Variants in UPF1 observed in about 807,000 individuals in gnomAD.
UPF1 encodes regulator of nonsense transcripts 1.
Under a neutral mutation model 129.2 loss-of-function variants are expected in UPF1, and 9 were observed. The observed-to-expected ratio is 0.07, with a 90% CI of 0.04 to 0.12. The LOEUF (loss-of-function observed/expected upper bound fraction) is 0.12, where lower values mean the gene tolerates loss of function less well. Among genes scored for constraint, UPF1 ranks in the 10% least tolerant of loss-of-function variants. The probability of loss-of-function intolerance (pLI) is 1.00; values close to 1 mark genes in which losing one functional copy is unlikely to be tolerated. For synonymous variants in UPF1, 649 were observed against 644.9 expected (o/e 1.01, Z -0.10); for missense variants, 788 against 1,525.3 (o/e 0.52, Z 8.05).
intron 2 of UPF1, among the ~76,000 whole-genome samples, chr19:18,846,543 C>T (rs1001899008): frequency 1.3e-5 from 2 of 152,012 alleles, no homozygotes; most frequent in Non-Finnish European, 1.5e-5. Flanking sequence ...CTGCCTTGGC[C>T]GTGCCTGGAG....
intron 2 of UPF1, among the ~76,000 whole-genome samples, chr19:18,846,408 C>T (rs2055599761): frequency 6.6e-6 from 1 of 152,082 alleles, no homozygotes; most frequent in African/African-American, 2.4e-5. Flanking sequence ...GGTACCTGCG[C>T]ACTCACTCAT....
intron 3 of UPF1, 151 bp downstream of exon 3, chr19:18,847,984 A>G: frequency 1.4e-6 from 1 of 710,644 alleles, no homozygotes; most frequent in East Asian, 2.8e-5. Flanking sequence ...CTTGAAACAG[A>G]TGGTGGTGTG....
At position 18,862,024 on chromosome 19, in the gene UPF1, CA is replaced by C; in HGVS notation, c.2473del (p.Ser825ValfsTer29). ...TKLYQEVEIASVDAFQGREKD... is the reference protein window; with the variant it reads ...TKLYQEVEIAXVDAFQGREKD... ...CTCCCTTCCAGGAGGTGGAGATCGC[CA>C]GTGTGGACGCCTTTCAGGGACGCGA... On this transcript the variant is annotated frameshift_variant, in exon 18 of 24. Transcript: ENST00000262803. LOFTEE classifies it high-confidence loss of function. 1 of 1,611,988 alleles carries C rather than the reference CA, an allele frequency of 6.2e-7. No individual in the cohort carries two copies.
rs575867783 is a variant in UPF1 at position 18,851,874 on chromosome 19, C to T, written c.811-261C>T. Among the ~76,000 whole-genome samples the T allele has an allele frequency of 4.6e-5, 7 of 152,340 alleles. No homozygotes were observed. Among genetic ancestry groups the T allele is most frequent in the East Asian group, 1.9e-4 (1 of 5,184 alleles). On this transcript the variant is annotated intron_variant, in intron 5 of 23. Coordinates refer to ENST00000262803, the MANE Select transcript of UPF1 (RefSeq NM_002911.4). This position sits in a 1 kb window ranked among gnomAD's most constrained non-coding sequence, Gnocchi z 4.2. ...TTTGTAGGCAGGTTCACCCAAGTAC[C>T]GGAACCCCGCTGGGGTGCGGAGCAG... is the stretch of plus-strand genomic sequence containing the variant.
rs115596037 is a variant in UPF1 at position 18,837,746 on chromosome 19, G to C, written c.231+5306G>C. 2.2e-3 allele frequency among the ~76,000 whole-genome samples: 342 copies of C among 152,292 alleles called. 1 individual carries two copies. The highest frequency in any genetic ancestry group is 8.0e-3 in the African/African-American group (331 of 41,548). ...GTCCCACTTTGTTCCTTCATCCTCA[G>C]GTCAGGTCTGCACTGCCTGTTCCGT... On this transcript the variant is annotated intron_variant, in intron 1 of 23. Coordinates refer to ENST00000262803, the MANE Select transcript of UPF1 (RefSeq NM_002911.4).
intron 1 of UPF1, among the ~76,000 whole-genome samples, chr19:18,842,582 G>A (rs1475816453): frequency 6.6e-6 from 1 of 152,152 alleles, no homozygotes; most frequent in Non-Finnish European, 1.5e-5. Context: ...CAGACCTCCT[G>A]GCAACCCTCT....
rs897335877 is a variant in UPF1 at position 18,867,331 on chromosome 19, C to T, written c.*814C>T. 20 of 152,272 alleles carry T rather than the reference C, an allele frequency of 1.3e-4. No individual in the cohort carries two copies. The highest frequency in any genetic ancestry group is 7.8e-4 in the Admixed American group (12 of 15,292). 9.4% of individuals were successfully genotyped at this position (152,272 alleles called of 1,614,324 possible). On this transcript the variant is annotated 3_prime_UTR_variant, in exon 24 of 24. Transcript: ENST00000262803. ...CCGAGCCTGGAAGCTGCTCGTTCTC[C>T]GCTGGACTCAGAAGCCAAGCTGCTT...
Position 18,865,586 on chromosome 19 carries a change from T to G in UPF1, c.3045T>G (p.Thr1015=), listed in dbSNP as rs780526324. The G allele has an allele frequency of 6.2e-7, 1 of 1,613,810 alleles. No individual in the cohort carries two copies. The highest frequency in any genetic ancestry group is 8.5e-7 in the Non-Finnish European group (1 of 1,180,040). Residue 1015 remains threonine, a synonymous_variant, in exon 22 of 24, where the codon ACT becomes ACG. Transcript: ENST00000262803. This position sits in a 1 kb window ranked among gnomAD's most constrained non-coding sequence, Gnocchi z 6.1. ...GGCGAGGCACCCCGAAAGGCAAGAC[T>G]GGTCGTGGGGGACGCCAGAAGAACC... ...AAGRGTPKGK[T]GRGGRQKNRF...
At chr19:18,841,789 C>T (rs1285972545) in intron 1 of UPF1, among the ~76,000 whole-genome samples, 6 of 152,144 alleles carry the variant, frequency 3.9e-5, no homozygotes, top group Non-Finnish European at 7.3e-5. Context: ...CTTGCACACT[C>T]GGCCCGTTGA....
chr19:18,854,560 C>G, intron 8 of UPF1, 41 bp from the exon 9 acceptor site: 1 of 1,551,470 alleles, frequency 6.4e-7, no homozygotes, highest in Non-Finnish European at 8.8e-7. Context: ...GAAAGGTCAG[C>G]CCGGCTTTTG....
intron 15 of UPF1, among the ~76,000 whole-genome samples, chr19:18,858,056 G>T (rs371907740): frequency 1.8e-4 from 28 of 152,336 alleles, no homozygotes; most frequent in African/African-American, 6.0e-4. Context: ...AGTAAGAAAC[G>T]CCCTGGATGA....
intron 20 of UPF1, 80 bp downstream of exon 20, chr19:18,864,331 G>T (rs2055815438): frequency 7.5e-7 from 1 of 1,340,868 alleles, no homozygotes; most frequent in Non-Finnish European, 1.0e-6. Context: ...TGCAGCTTTA[G>T]GTGCCCCCAT....
chr19:18,849,453 A>G (rs1308413311), intron 3 of UPF1: 1 of 156,962 alleles, frequency 6.4e-6, no homozygotes, highest in East Asian at 1.9e-4. Flanking sequence ...TTAGGTGAGC[A>G]GTGTCCTGGC....
intron 1 of UPF1, chr19:18,833,217 GAGA>G (rs768932648): frequency 3.3e-5 from 5 of 152,230 alleles, no homozygotes; most frequent in African/African-American, 9.7e-5. Context: ...GGTTGAGGCA[GAGA>G]AGAATTTTTG....
At chr19:18,837,770 G>A (rs778430428) in intron 1 of UPF1, among the ~76,000 whole-genome samples, 6 of 152,136 alleles carry the variant, frequency 3.9e-5, no homozygotes, top group Non-Finnish European at 8.8e-5. Context: ...TGCCTGTTCC[G>A]TCTCCACTCC....
intron 18 of UPF1, chr19:18,863,074 C>A: frequency 4.6e-6 from 1 of 216,300 alleles, no homozygotes; most frequent in Non-Finnish European, 9.3e-6. Context: ...GTGAGGTGGG[C>A]TAGAGGAGCT....
chr19:18,864,073 ACAGCTGCATACCTGCCACCTCC>A, intron 19 of UPF1, 75 bp from the exon 20 acceptor site: 1 of 1,065,926 alleles, frequency 9.4e-7, no homozygotes, highest in Non-Finnish European at 1.4e-6. Context: ...TCAACACCTC[ACAGCTGCATACCTGCCACCTCC>A]CAGGCCACCG....
chr19:18,860,728 T>C lies in UPF1; in HGVS notation c.2301-98T>C, dbSNP rs1568281757. On this transcript the variant is annotated intron_variant, in intron 16 of 23. Transcript: ENST00000262803. ...GCAAACGCCAGTGATGGCAGCTGCC[T>C]TCCCGCAGGGTGTTGTGTCTGCACC... is the stretch of plus-strand genomic sequence containing the variant. 2.6e-6 allele frequency: 4 copies of C among 1,512,548 alleles called. No individual in the cohort carries two copies. In the East Asian group the frequency reaches 9.4e-5, roughly 36 times the overall value. The allele number at this position is 1,512,548 out of a possible 1,614,324, so 93.7% of individuals were successfully genotyped here.
intron 17 of UPF1, among the ~76,000 whole-genome samples, chr19:18,861,598 T>C (rs987036069): frequency 2.6e-5 from 4 of 152,154 alleles, no homozygotes; most frequent in Non-Finnish European, 2.9e-5. Flanking sequence ...TTTGGGAGGC[T>C]GAGGCAGGGA....
Sources: gnomAD v4.1 joint callset for allele counts (sites outside exome capture counted in the v4.1 genomes callset) on GRCh38, gnomAD v4.1.1 for gene constraint, Gnocchi (gnomAD v3.1) non-coding constraint, MANE v1.5 for transcripts, NCBI Gene and HGNC (gene_info 2026-07-23, HGNC 2026-07-21) for gene names.